KCNK2: variants seen among roughly 807,000 people sequenced by gnomAD.
The protein encoded by KCNK2 is potassium channel subfamily K member 2.
In KCNK2, 21 loss-of-function variants were observed where a neutral mutation model predicts 40.5. The observed-to-expected ratio is 0.52, with a 90% CI of 0.37 to 0.75. KCNK2 has a LOEUF of 0.75. Among genes scored for constraint, KCNK2 ranks in the 30% least tolerant of loss-of-function variants. KCNK2 has a pLI of 0.00. For missense variants in KCNK2, 399 were observed against 531.6 expected (o/e 0.75, Z 2.45); for synonymous variants, 191 against 202.2 (o/e 0.94, Z 0.47).
chr1:215,217,259 G>A (rs975373948), intron 6 of KCNK2, among the ~76,000 whole-genome samples: 1 of 152,150 alleles, frequency 6.6e-6, no homozygotes, highest in Non-Finnish European at 1.5e-5. Flanking sequence ...GTACATGGGA[G>A]AGTTTTAAGA....
chr1:215,017,515 C>A (rs1331314714), intron 1 of KCNK2, among the ~76,000 whole-genome samples: 1 of 152,018 alleles, frequency 6.6e-6, no homozygotes, highest in Non-Finnish European at 1.5e-5. Context: ...CATGACTTCA[C>A]TTATATGTGG....
At chr1:215,032,064 T>C (rs1444488821) in intron 1 of KCNK2, among the ~76,000 whole-genome samples, 2 of 152,128 alleles carry the variant, frequency 1.3e-5, no homozygotes, top group Admixed American at 6.5e-5. Flanking sequence ...GATGCTATTA[T>C]TATTTTGAGC....
In KCNK2 at chr1:215,139,673, T is replaced by C. The variant is rs576887992; in HGVS notation, c.475+14923T>C. Among the ~76,000 whole-genome samples the C allele has an allele frequency of 2.5e-3, 385 of 152,124 alleles. 2 individuals are homozygous for C. Among genetic ancestry groups the C allele is most frequent in the Non-Finnish European group, 2.5e-3 (169 of 67,968 alleles). On this transcript the variant is annotated intron_variant, in intron 3 of 6. Transcript: ENST00000444842. ...TGGTGCATGCCTGCAATCCCAGCTA[T>C]TTGGGGGACTGAGGCAGGAGAATTG...
chr1:215,094,517 C>T (rs992588491), intron 2 of KCNK2, among the ~76,000 whole-genome samples: 1 of 152,180 alleles, frequency 6.6e-6, no homozygotes, highest in Middle Eastern at 3.4e-3. Flanking sequence ...ATGTCAATTT[C>T]CAATTTTCCT....
At chr1:215,221,444 A>G (rs1666171191) in intron 6 of KCNK2, among the ~76,000 whole-genome samples, 1 of 152,358 alleles carries the variant, frequency 6.6e-6, no homozygotes, top group East Asian at 1.9e-4. Context: ...ACTATTGAGA[A>G]GCCTTACTGA....
rs141488653 is a variant in KCNK2 at position 215,141,495 on chromosome 1, C to T, written c.475+16745C>T. Among the ~76,000 whole-genome samples the T allele has an allele frequency of 6.0e-3, 920 of 152,168 alleles. 1 individual carries two copies. The highest frequency in any genetic ancestry group is 0.017 in the Middle Eastern group (5 of 294). Reference sequence around the variant, plus strand: ...GTGGTCTATCTGTGACCAAATGTTACGCAGCACATGACTGTATCTTGTTAT... The same window carrying T: ...GTGGTCTATCTGTGACCAAATGTTATGCAGCACATGACTGTATCTTGTTAT... On this transcript the variant is annotated intron_variant, in intron 3 of 6. Transcript: ENST00000444842.
chr1:215,102,533 A>C (rs1339454310), intron 2 of KCNK2, among the ~76,000 whole-genome samples: 3 of 152,050 alleles, frequency 2.0e-5, no homozygotes, highest in Admixed American at 1.3e-4. Context: ...TATTGAAGAA[A>C]GGAAAGTATT....
chr1:215,052,743 T>G (rs1026637399), intron 1 of KCNK2, among the ~76,000 whole-genome samples: 3 of 152,142 alleles, frequency 2.0e-5, no homozygotes, highest in Non-Finnish European at 2.9e-5. Context: ...GATTGTAGAT[T>G]CCTAGGTTTG....
Position 215,050,272 on chromosome 1 carries a change from A to T in KCNK2, c.35-36096A>T, listed in dbSNP as rs184607147. Among the ~76,000 whole-genome samples the T allele has an allele frequency of 2.1e-3, 315 of 152,282 alleles. 2 individuals are homozygous for T. The highest frequency in any genetic ancestry group is 3.6e-3 in the Non-Finnish European group (247 of 68,000). ...GTAATCATAAATGGTACTGTATTTT[A>T]ATGTCAGTTTCTACATGTTAGTATA... On this transcript the variant is annotated intron_variant, in intron 1 of 6. Transcript: ENST00000391895.
chr1:215,052,598 T>C (rs1207111434), intron 1 of KCNK2, among the ~76,000 whole-genome samples: 3 of 152,152 alleles, frequency 2.0e-5, no homozygotes, highest in Non-Finnish European at 2.9e-5. Flanking sequence ...GAGGTGCTAC[T>C]AGCATACAGA....
intron 5 of KCNK2, among the ~76,000 whole-genome samples, chr1:215,188,972 C>T (rs1347388973): frequency 6.6e-6 from 1 of 152,136 alleles, no homozygotes; most frequent in Non-Finnish European, 1.5e-5. Flanking sequence ...TGCTCTAGTT[C>T]CTGTTCCTGT....
At chr1:215,160,011 A>G (rs1286453571) in intron 3 of KCNK2, among the ~76,000 whole-genome samples, 2 of 152,224 alleles carry the variant, frequency 1.3e-5, no homozygotes, top group Non-Finnish European at 2.9e-5. Flanking sequence ...AAACATAAAA[A>G]TCACAAAAGA....
intron 6 of KCNK2, among the ~76,000 whole-genome samples, chr1:215,223,919 T>C (rs1286325956): frequency 6.6e-6 from 1 of 151,698 alleles, no homozygotes; most frequent in Non-Finnish European, 1.5e-5. Context: ...GGTTTTCCAA[T>C]GTATGGAAAG....
intron 5 of KCNK2, among the ~76,000 whole-genome samples, chr1:215,189,235 G>A (rs1263994380): frequency 6.6e-6 from 1 of 152,082 alleles, no homozygotes; most frequent in Non-Finnish European, 1.5e-5. Context: ...AACTTTTAGG[G>A]TTCTGAATGG....
rs149316445 is a variant in KCNK2 at position 215,125,006 on chromosome 1, G to A, written c.475+256G>A. On this transcript the variant is annotated intron_variant, in intron 3 of 6. Coordinates refer to ENST00000444842, the MANE Select transcript of KCNK2 (RefSeq NM_001017425.3). ...CAATGCAGCAGTCATTTGACTAATG[G>A]TAGTAATGTCAAGAAACAGCTTAAA... is the stretch of plus-strand genomic sequence containing the variant. Among the ~76,000 whole-genome samples, 1,064 of 152,266 alleles carry A rather than the reference G, an allele frequency of 7.0e-3. 10 individuals are homozygous for A. The highest frequency in any genetic ancestry group is 0.023 in the African/African-American group (970 of 41,550).
chr1:215,038,879 C>A (rs1571863316), intron 1 of KCNK2, among the ~76,000 whole-genome samples: 1 of 151,656 alleles, frequency 6.6e-6, no homozygotes, highest in East Asian at 1.9e-4. Context: ...AGGTCATTTA[C>A]ATAAAAATGG....
At chr1:215,029,580 A>G (rs1284390026) in intron 1 of KCNK2, among the ~76,000 whole-genome samples, 1 of 147,096 alleles carries the variant, frequency 6.8e-6, no homozygotes, top group African/African-American at 2.5e-5. Context: ...TAATATATAA[A>G]TATAAATATT....
chr1:215,214,999 A>G lies in KCNK2; in HGVS notation c.964-19829A>G, dbSNP rs539520874. On this transcript the variant is annotated intron_variant, in intron 6 of 6. Coordinates refer to ENST00000444842, the MANE Select transcript of KCNK2 (RefSeq NM_001017425.3). ...GCAGTTTTTATCTTCCGTTATTTGAAATGCATGAGCAACCAACTTTTACAT... is the reference window on the plus strand; with the variant it reads ...GCAGTTTTTATCTTCCGTTATTTGAGATGCATGAGCAACCAACTTTTACAT... Among the ~76,000 whole-genome samples, 3 of 152,290 alleles carry G rather than the reference A, an allele frequency of 2.0e-5. No homozygotes were observed. The South Asian group carries it at 6.2e-4, about 32-fold the overall frequency.
At chr1:215,121,626 A>T (rs1225660083) in intron 2 of KCNK2, among the ~76,000 whole-genome samples, 1 of 152,228 alleles carries the variant, frequency 6.6e-6, no homozygotes, top group Non-Finnish European at 1.5e-5. Flanking sequence ...CAATATAAAA[A>T]ATACATAATA....
Sources: gnomAD v4.1 joint callset for allele counts (sites outside exome capture counted in the v4.1 genomes callset) on GRCh38, gnomAD v4.1.1 for gene constraint, MANE v1.5 for transcripts, NCBI Gene and HGNC (gene_info 2026-07-23, HGNC 2026-07-21) for gene names.